Variants in E2F2 observed in about 807,000 individuals in gnomAD.
E2F2 encodes the protein E2F transcription factor 2.
Under a neutral mutation model 42.2 loss-of-function variants are expected in E2F2, and 22 were observed. The observed-to-expected ratio is 0.52, with a 90% confidence interval of 0.37 to 0.74. The LOEUF is 0.74. E2F2 is among the 30% of genes least tolerant of loss of function. The probability of loss-of-function intolerance (pLI) is 0.00; values close to 1 mark genes in which losing one functional copy is unlikely to be tolerated. For missense variants in E2F2, 481 were observed against 557.8 expected (o/e 0.86, Z 1.39); for synonymous variants, 248 against 251.6 (o/e 0.99, Z 0.13).
intron 3 of E2F2, 28 bp from the exon 4 acceptor site, chr1:23,521,099 A>G: frequency 6.3e-7 from 1 of 1,585,852 alleles, no homozygotes; most frequent in Admixed American, 1.8e-5. Flanking sequence ...CCCCAGTGTC[A>G]GTCTGTGGGT....
At chr1:23,527,528 C>G (rs1459938627) in intron 1 of E2F2, among the ~76,000 whole-genome samples, 1 of 152,210 alleles carries the variant, frequency 6.6e-6, no homozygotes, top group Non-Finnish European at 1.5e-5. Flanking sequence ...CAGAGATCAC[C>G]AGGCACAACC....
At position 23,516,529 on chromosome 1, in the gene E2F2, TGGA is replaced by T. The variant is rs1199326551; in HGVS notation, c.853-5_853-3del. ...CTTGAGATATATCTGCAGGTTGTCCTGGAGGAGGAAGAGAAGCCAGGTCATTGC... is the reference window on the plus strand; with the variant it reads ...CTTGAGATATATCTGCAGGTTGTCCTGGAGGAAGAGAAGCCAGGTCATTGC... On this transcript the variant is annotated splice_polypyrimidine_tract_variant and splice_region_variant and intron_variant, in intron 5 of 6. Transcript: ENST00000361729. 1.2e-6 allele frequency: 2 copies of T among 1,601,856 alleles called. No homozygotes were observed. The highest frequency in any genetic ancestry group is 1.7e-5 in the Admixed American group (1 of 58,232).
intron 1 of E2F2, among the ~76,000 whole-genome samples, chr1:23,529,368 T>C (rs1446117180): frequency 6.6e-6 from 1 of 152,162 alleles, no homozygotes; most frequent in African/African-American, 2.4e-5. Context: ...GTTTTGAACA[T>C]GGGCAAAGCC....
Position 23,530,544 on chromosome 1 carries a change from G to A in E2F2, c.250C>T (p.Pro84Ser). Residue 84 changes from proline to serine, a missense_variant and splice_region_variant, in exon 1 of 7, where the codon CCG becomes TCG. Physicochemically the swap from Pro to Ser is moderately conservative, Grantham distance 74 (BLOSUM62 -1). Transcript: ENST00000361729. This position sits in a 1 kb window ranked among gnomAD's most constrained non-coding sequence, Gnocchi z 4.4. ...VVRCLPAGRL[P>S]AKRKLDLEGI... is the part of the protein sequence containing the mutation. ...GCGGTGGGGGCCCCCAGCATTACCG[G>A]CAGCCGGCCTGCCGGCAGGCATCGC... The A allele has an allele frequency of 6.2e-7, 1 of 1,609,734 alleles. No homozygotes were observed. The highest frequency in any genetic ancestry group is 1.7e-5 in the Admixed American group (1 of 59,892).
At chr1:23,513,792 C>T (rs1642961828) in intron 6 of E2F2, among the ~76,000 whole-genome samples, 2 of 152,040 alleles carry the variant, frequency 1.3e-5, no homozygotes, top group Admixed American at 1.3e-4. Flanking sequence ...CTGCTCCTCT[C>T]TGGGCTTCAG....
chr1:23,510,182 C>A, intron 6 of E2F2, 34 bp from the exon 7 acceptor site: 1 of 1,529,428 alleles, frequency 6.5e-7, no homozygotes. Flanking sequence ...ACGCCTGGCC[C>A]TAGCATCCAA....
At chr1:23,513,598 GTGTGTGTGTGTGTC>G (rs1553183065) in intron 6 of E2F2, among the ~76,000 whole-genome samples, 1 of 151,392 alleles carries the variant, frequency 6.6e-6, no homozygotes, top group Non-Finnish European at 1.5e-5. Context: ...GTGTGTGTGT[GTGTGTGTGTGTGTC>G]TGTGCAGGAG....
At chr1:23,510,172 A>C in intron 6 of E2F2, 24 bp from the exon 7 acceptor site, 1 of 1,551,686 alleles carries the variant, frequency 6.4e-7, no homozygotes, top group Non-Finnish European at 8.7e-7. Flanking sequence ...GACAAAGGTT[A>C]CGCCTGGCCC....
Position 23,509,814 on chromosome 1 carries a change from G to C in E2F2, c.*66C>G, listed in dbSNP as rs1162741285. The C allele has an allele frequency of 6.7e-7, 1 of 1,486,090 alleles. No individual in the cohort carries two copies. Among genetic ancestry groups the C allele is most frequent in the African/African-American group, 1.4e-5 (1 of 71,344 alleles). The allele number at this position is 1,486,090 out of a possible 1,614,324, so 92.1% of individuals were successfully genotyped here. ...TGTCCAATGTCCCTGTGCAGGCAGA[G>C]GGGCTGTCAGCCTGTCTGTGAGGAG... On this transcript the variant is annotated 3_prime_UTR_variant, in exon 7 of 7. Coordinates refer to ENST00000361729, the MANE Select transcript of E2F2 (RefSeq NM_004091.4).
At position 23,530,725 on chromosome 1, in the gene E2F2, G is replaced by A; in HGVS notation, c.69C>T (p.Ser23=). The A allele has an allele frequency of 6.2e-7, 1 of 1,602,500 alleles. No homozygotes were observed. Among genetic ancestry groups the A allele is most frequent in the Non-Finnish European group, 8.5e-7 (1 of 1,174,916 alleles). ...GQTPKVVPAM[S]PTELWPSGLS... ...GGCCGGATGGCCACAGCTCTGTGGG[G>A]CTCATCGCGGGCACCACCTTCGGGG... The change falls in exon 1 of 7, where the codon AGC becomes AGT. Residue 23 remains serine (S), a synonymous_variant. Coordinates refer to ENST00000361729, the MANE Select transcript of E2F2 (RefSeq NM_004091.4). This position sits in a 1 kb window ranked among gnomAD's most constrained non-coding sequence, Gnocchi z 4.4.
intron 5 of E2F2, 130 bp downstream of exon 5, chr1:23,518,886 G>T: frequency 1.6e-6 from 1 of 634,412 alleles, no homozygotes; most frequent in Non-Finnish European, 2.6e-6. Context: ...CACCAATATT[G>T]CCATGGACAC....
intron 6 of E2F2, 42 bp downstream of exon 6, chr1:23,516,293 G>C (rs1398911765): frequency 7.0e-7 from 1 of 1,431,412 alleles, no homozygotes; most frequent in Non-Finnish European, 9.2e-7. Flanking sequence ...ACTAAGGCCG[G>C]TCTCTCCCCC....
At chr1:23,512,193 G>A (rs1642922215) in intron 6 of E2F2, among the ~76,000 whole-genome samples, 1 of 152,024 alleles carries the variant, frequency 6.6e-6, no homozygotes, top group South Asian at 2.1e-4. Context: ...AGCGAGACTC[G>A]TGTCTCAAAA....
At chr1:23,519,180 C>G in intron 4 of E2F2, 50 bp from the exon 5 acceptor site, 1 of 1,438,548 alleles carries the variant, frequency 7.0e-7, no homozygotes, top group Non-Finnish European at 9.8e-7. Context: ...AATTCAAACC[C>G]CAAACCTGCC....
At position 23,507,059 on chromosome 1, in the gene E2F2, A is replaced by G. The variant is rs1329298068; in HGVS notation, c.*2821T>C. 6.6e-6 allele frequency: 1 copy of G among 152,214 alleles called. No individual in the cohort carries two copies. Among genetic ancestry groups the G allele is most frequent in the East Asian group, 1.9e-4 (1 of 5,202 alleles). 9.4% of individuals were successfully genotyped at this position (152,214 alleles called of 1,614,324 possible). A position where few individuals can be genotyped will look rare whatever the true frequency, so the allele number is the denominator to read the frequency against. On this transcript the variant is annotated 3_prime_UTR_variant, in exon 7 of 7. Coordinates refer to ENST00000361729, the MANE Select transcript of E2F2 (RefSeq NM_004091.4). ...ATCTCTGAATCTCCAACTCTACTGGATGATTTCCTGGAGCCCCAAGCTTTA... is the reference window on the plus strand; with the variant it reads ...ATCTCTGAATCTCCAACTCTACTGGGTGATTTCCTGGAGCCCCAAGCTTTA...
At chr1:23,521,140 A>C (rs1643137347) in intron 3 of E2F2, 69 bp from the exon 4 acceptor site, 1 of 1,459,956 alleles carries the variant, frequency 6.8e-7, no homozygotes, top group African/African-American at 1.4e-5. Context: ...TTCAAAAAAT[A>C]GTCTATGAGG....
Position 23,516,409 on chromosome 1 carries a change from A to G in E2F2, c.971T>C (p.Leu324Pro). 3 of 1,597,880 alleles carry G rather than the reference A, an allele frequency of 1.9e-6. No homozygotes were observed. Among genetic ancestry groups the G allele is most frequent in the South Asian group, 2.3e-5 (2 of 88,584 alleles). Residue 324 changes from leucine to proline, a missense_variant, in exon 6 of 7, where the codon CTC becomes CCC. By Grantham distance (98) the Leu-to-Pro change is moderately conservative. Coordinates refer to ENST00000361729, the MANE Select transcript of E2F2 (RefSeq NM_004091.4). Reference sequence around the variant, plus strand: ...CTGGGCAGAGTCAGGGCTGGGGCAGAGGGTGGAGGTAGAGGGGAGAGGCTC... The same window carrying G: ...CTGGGCAGAGTCAGGGCTGGGGCAGGGGGTGGAGGTAGAGGGGAGAGGCTC... ...SEEPLPSTST[L>P]CPSPDSAQPS...
intron 5 of E2F2, 47 bp downstream of exon 5, chr1:23,518,969 C>G: frequency 1.3e-6 from 2 of 1,523,528 alleles, no homozygotes; most frequent in South Asian, 2.3e-5. Context: ...GGAACGCTCC[C>G]TGGCAGGGTC....
intron 1 of E2F2, among the ~76,000 whole-genome samples, chr1:23,526,777 G>A (rs1374849592): frequency 6.6e-6 from 1 of 151,932 alleles, no homozygotes; most frequent in African/African-American, 2.4e-5. Flanking sequence ...TCCCACACAC[G>A]CTGCCCCAGG....
Sources: gnomAD v4.1 joint callset for allele counts (sites outside exome capture counted in the v4.1 genomes callset) on GRCh38, gnomAD v4.1.1 for gene constraint, Gnocchi (gnomAD v3.1) non-coding constraint, MANE v1.5 for transcripts, NCBI Gene and HGNC (gene_info 2026-07-23, HGNC 2026-07-21) for gene names.